IGF1R: variants seen among roughly 807,000 people sequenced by gnomAD.
IGF1R encodes the protein insulin-like growth factor 1 receptor.
IGF1R carries 44 observed loss-of-function variants against 144.6 expected under a neutral mutation model. That is an observed-to-expected ratio of 0.30 (90% CI 0.24 to 0.39). IGF1R has a LOEUF of 0.39. Ranked by LOEUF, IGF1R falls within the 10% of genes least tolerant of loss-of-function variation. The probability of loss-of-function intolerance (pLI) is 1.00; values close to 1 mark genes in which losing one functional copy is unlikely to be tolerated. For missense variants in IGF1R, 1,355 were observed against 1,833.7 expected, an observed-to-expected ratio of 0.74 and a Z score of 4.77; for synonymous variants, 795 against 722.8, an observed-to-expected ratio of 1.10 and a Z score of -1.60.
intron 2 of IGF1R, among the ~76,000 whole-genome samples, chr15:98,871,759 A>G (rs2012798651): frequency 6.6e-6 from 1 of 152,198 alleles, no homozygotes; most frequent in African/African-American, 2.4e-5. Context: ...GGAAAAACCC[A>G]CCCCATGATT....
At chr15:98,748,464 C>T (rs769867305) in intron 2 of IGF1R, among the ~76,000 whole-genome samples, 1 of 152,198 alleles carries the variant, frequency 6.6e-6, no homozygotes, top group Non-Finnish European at 1.5e-5. Context: ...CGTGAGCCAC[C>T]ACATGCAGTC....
In IGF1R at chr15:98,934,928, G is replaced by A. The variant is rs780289923; in HGVS notation, c.3061G>A (p.Val1021Met). 6.2e-7 allele frequency: 1 copy of A among 1,614,192 alleles called. No individual in the cohort carries two copies. ...GGTCTATGAAGGAGTTGCCAAGGGTGTGGTGAAAGATGAACCTGAAACCAG... is the reference window on the plus strand; with the variant it reads ...GGTCTATGAAGGAGTTGCCAAGGGTATGGTGAAAGATGAACCTGAAACCAG... ...GMVYEGVAKG[V>M]VKDEPETRVA... The change falls in exon 16 of 21, where the codon GTG becomes ATG. Residue 1021 changes from valine to methionine, a missense_variant. Val to Met is a conservative substitution (Grantham distance 21, BLOSUM62 1). Around this residue, in one of 7 missense-constraint regions of IGF1R, gnomAD observed 880 missense variants for 1,202.7 expected, o/e 0.73. Transcript: ENST00000650285.
In IGF1R at chr15:98,648,648, C is replaced by T. The variant is rs1400037052; in HGVS notation, c.-934C>T. 2.0e-5 allele frequency among the ~76,000 whole-genome samples: 3 copies of T among 147,088 alleles called. No individual in the cohort carries two copies. The highest frequency in any genetic ancestry group is 3.0e-5 in the Non-Finnish European group (2 of 66,192). Reference sequence around the variant, plus strand: ...GAAAAAACCCGAGGAGGAGCGAGCGCACCAGGCGAACTCGAGAGAGGCGGG... The same window carrying T: ...GAAAAAACCCGAGGAGGAGCGAGCGTACCAGGCGAACTCGAGAGAGGCGGG... On this transcript the variant is annotated 5_prime_UTR_variant, in exon 1 of 21. Coordinates refer to ENST00000650285, the MANE Select transcript of IGF1R (RefSeq NM_000875.5).
intron 6 of IGF1R, among the ~76,000 whole-genome samples, chr15:98,909,659 C>G (rs1048674800): frequency 2.0e-5 from 3 of 152,210 alleles, no homozygotes; most frequent in Non-Finnish European, 4.4e-5. Context: ...GGAGGGGGCT[C>G]TGCCCTAAGC....
chr15:98,650,891 G>A, intron 1 of IGF1R: 1 of 984,264 alleles, frequency 1.0e-6, no homozygotes, highest in Non-Finnish European at 1.2e-6. Context: ...GTGGGGGTTA[G>A]TAGGGAAGCG....
At chr15:98,666,525 A>C (rs569771837) in intron 1 of IGF1R, among the ~76,000 whole-genome samples, 3 of 152,244 alleles carry the variant, frequency 2.0e-5, no homozygotes, top group Non-Finnish European at 2.9e-5. Flanking sequence ...AATGTGGTCT[A>C]TCCATACAAT....
At chr15:98,794,655 A>G (rs942783171) in intron 2 of IGF1R, among the ~76,000 whole-genome samples, 1 of 152,220 alleles carries the variant, frequency 6.6e-6, no homozygotes, top group African/African-American at 2.4e-5. Context: ...TTTTATGTAC[A>G]ACTACTGGAA....
rs577151797 is a variant in IGF1R, at chr15:98,649,589, C to G, written c.8C>G (p.Ser3Cys). Residue 3 changes from serine (S) to cysteine (C), a missense_variant, in exon 1 of 21, where the codon TCT becomes TGT. By Grantham distance (112) the Ser-to-Cys change is moderately radical. Transcript: ENST00000650285. MK[S>C]GSGGGSPTSL... is the part of the protein sequence containing the mutation. ...TCATCCCAAATAAAAGGAATGAAGT[C>G]TGGCTCCGGAGGAGGGTCCCCGACC... 3 of 1,497,918 alleles carry G rather than the reference C, an allele frequency of 2.0e-6. No individual in the cohort carries two copies. The highest frequency in any genetic ancestry group is 1.1e-5 in the South Asian group (1 of 88,254). The allele number at this position is 1,497,918 out of a possible 1,614,324, so 92.8% of individuals were successfully genotyped here.
intron 2 of IGF1R, among the ~76,000 whole-genome samples, chr15:98,765,517 T>C (rs925358338): frequency 2.0e-5 from 3 of 151,522 alleles, no homozygotes; most frequent in Admixed American, 2.0e-4. Flanking sequence ...AGAGATGGAG[T>C]GTTGCCATGT....
At chr15:98,927,206 C>T (rs150513603) in intron 13 of IGF1R, among the ~76,000 whole-genome samples, 3 of 152,314 alleles carry the variant, frequency 2.0e-5, no homozygotes, top group African/African-American at 7.2e-5. Flanking sequence ...GAAATTGGAT[C>T]TGCGTGCTGG....
intron 1 of IGF1R, among the ~76,000 whole-genome samples, chr15:98,685,081 C>G (rs1158459402): frequency 6.6e-6 from 1 of 151,772 alleles, no homozygotes; most frequent in Non-Finnish European, 1.5e-5. Flanking sequence ...TAGCTGGGGT[C>G]ACAGATGTGT....
intron 2 of IGF1R, among the ~76,000 whole-genome samples, chr15:98,766,092 G>C (rs2141362457): frequency 6.6e-6 from 1 of 152,310 alleles, no homozygotes; most frequent in South Asian, 2.1e-4. Context: ...TGTGGATGAA[G>C]GGTGAGCCGG....
At chr15:98,758,732 G>A (rs962973399) in intron 2 of IGF1R, among the ~76,000 whole-genome samples, 1 of 152,182 alleles carries the variant, frequency 6.6e-6, no homozygotes, top group Non-Finnish European at 1.5e-5. Flanking sequence ...GGCCTCAGAA[G>A]GCCCTCACTC....
intron 2 of IGF1R, among the ~76,000 whole-genome samples, chr15:98,849,738 T>C (rs2011468596): frequency 6.6e-6 from 1 of 152,112 alleles, no homozygotes; most frequent in African/African-American, 2.4e-5. Context: ...AACAGTTCAA[T>C]AGGATTTGGG....
chr15:98,925,641 G>T (rs188611607), intron 13 of IGF1R, among the ~76,000 whole-genome samples: 2 of 152,218 alleles, frequency 1.3e-5, no homozygotes, highest in African/African-American at 2.4e-5. Flanking sequence ...AGTGGCTCAC[G>T]CCTGTGATCC....
At chr15:98,833,481 C>A (rs980143054) in intron 2 of IGF1R, among the ~76,000 whole-genome samples, 5 of 152,198 alleles carry the variant, frequency 3.3e-5, no homozygotes, top group African/African-American at 4.8e-5. Context: ...GGTTGTAAAC[C>A]TTCACTATTT....
intron 2 of IGF1R, among the ~76,000 whole-genome samples, chr15:98,886,811 G>A (rs542748565): frequency 1.3e-5 from 2 of 152,200 alleles, no homozygotes; most frequent in South Asian, 4.1e-4. Context: ...CGGGCTCTGG[G>A]GCTGGCTCCA....
chr15:98,868,499 C>T (rs1251902242), intron 2 of IGF1R, among the ~76,000 whole-genome samples: 1 of 151,812 alleles, frequency 6.6e-6, no homozygotes, highest in Non-Finnish European at 1.5e-5. Context: ...GACCCTCAGT[C>T]TGGGGAAATA....
rs1385428244 is a variant in IGF1R, at chr15:98,704,060, C to A, written c.95-3502C>A. Reference sequence around the variant, plus strand: ...CGACACACAGTTAATTTAGTGTCCCCAGGGGAAAAAAGACCCTCCCGGCCC... The same window carrying A: ...CGACACACAGTTAATTTAGTGTCCCAAGGGGAAAAAAGACCCTCCCGGCCC... On this transcript the variant is annotated intron_variant, in intron 1 of 20. Coordinates refer to ENST00000650285, the MANE Select transcript of IGF1R (RefSeq NM_000875.5). This position sits in a 1 kb window ranked among gnomAD's most constrained non-coding sequence, Gnocchi z 4.9. Among the ~76,000 whole-genome samples the A allele has an allele frequency of 1.2e-4, 17 of 147,756 alleles. No individual in the cohort carries two copies. The highest frequency in any genetic ancestry group is 4.3e-4 in the South Asian group (2 of 4,688).
Sources: gnomAD v4.1 joint callset for allele counts (sites outside exome capture counted in the v4.1 genomes callset) on GRCh38, gnomAD v4.1.1 for gene constraint, gnomAD v4.1.1 regional missense constraint, Gnocchi (gnomAD v3.1) non-coding constraint, MANE v1.5 for transcripts, NCBI Gene and HGNC (gene_info 2026-07-23, HGNC 2026-07-21) for gene names.